VPS26C: variants seen among roughly 807,000 people sequenced by gnomAD.
The protein encoded by VPS26C is vacuolar protein sorting-associated protein 26C.
A neutral mutation model predicts 30.6 loss-of-function variants in VPS26C; 19 were observed. That is an observed-to-expected ratio of 0.62 (90% CI 0.43 to 0.91). The LOEUF is 0.91. Among genes scored for constraint, VPS26C ranks in the 40% least tolerant of loss-of-function variants. The pLI, the probability that VPS26C is intolerant of heterozygous loss-of-function variation, is 0.00. For synonymous variants in VPS26C, 132 were observed against 151.5 expected (o/e 0.87, Z 0.95); for missense variants, 318 against 385.1 (o/e 0.83, Z 1.46).
intron 1 of VPS26C, among the ~76,000 whole-genome samples, chr21:37,252,751 G>A (rs930391944): frequency 1.3e-5 from 2 of 152,188 alleles, no homozygotes; most frequent in African/African-American, 4.8e-5. Context: ...CCATCAAAAC[G>A]AATGAACTAT....
intron 1 of VPS26C, among the ~76,000 whole-genome samples, chr21:37,258,944 TTA>T (rs1329061969): frequency 6.6e-6 from 1 of 152,226 alleles, no homozygotes; most frequent in Non-Finnish European, 1.5e-5. Flanking sequence ...AAAATGCTTC[TTA>T]TGCATTATAT....
rs921280858 is a variant in VPS26C at position 37,250,046 on chromosome 21, G to A, written c.58-9407C>T. On this transcript the variant is annotated intron_variant, in intron 1 of 7. Coordinates refer to ENST00000309117, the MANE Select transcript of VPS26C (RefSeq NM_006052.2). Reference sequence around the variant, plus strand: ...GGGCCGGGCAGGGTGGCTCACGCCTGTAATCCCAGCACTTTGGGAGGCTGA... The same window carrying A: ...GGGCCGGGCAGGGTGGCTCACGCCTATAATCCCAGCACTTTGGGAGGCTGA... Among the ~76,000 whole-genome samples, 7 of 152,232 alleles carry A rather than the reference G, an allele frequency of 4.6e-5. No individual in the cohort carries two copies. The South Asian group carries it at 8.3e-4, about 18-fold the overall frequency.
chr21:37,262,068 A>G (rs1029361726), intron 1 of VPS26C: 1 of 152,230 alleles, frequency 6.6e-6, no homozygotes, highest in Non-Finnish European at 1.5e-5. Context: ...AAGTTTAAAA[A>G]AAAAGAACAT....
upstream of VPS26C, chr21:37,267,355 C>T: frequency 1.4e-6 from 2 of 1,478,322 alleles, no homozygotes; most frequent in East Asian, 2.3e-5. Context: ...AAACAAGGGG[C>T]GCCTCCCCGC....
rs574664932 is a variant in VPS26C, at chr21:37,237,020, A to G, written c.351+1440T>C. On this transcript the variant is annotated intron_variant, in intron 3 of 7. Coordinates refer to ENST00000309117, the MANE Select transcript of VPS26C (RefSeq NM_006052.2). Reference sequence around the variant, plus strand: ...GGTCTTGAACTCCTGGGTTCAAGCAATCCTCCTGCCATGGCCTCCCAAAGT... The same window carrying G: ...GGTCTTGAACTCCTGGGTTCAAGCAGTCCTCCTGCCATGGCCTCCCAAAGT... Among the ~76,000 whole-genome samples, 4 of 152,304 alleles carry G rather than the reference A, an allele frequency of 2.6e-5. 1 individual carries two copies. Among genetic ancestry groups the G allele is most frequent in the South Asian group, 4.1e-4 (2 of 4,820 alleles).
At chr21:37,249,053 A>G (rs954819973) in intron 1 of VPS26C, among the ~76,000 whole-genome samples, 6 of 152,176 alleles carry the variant, frequency 3.9e-5, no homozygotes, top group Admixed American at 1.3e-4. Flanking sequence ...TGCATTCTTG[A>G]TAAAATTCTT....
At chr21:37,232,508 A>C (rs1269192899) in intron 4 of VPS26C, 57 bp from the exon 5 acceptor site, 8 of 1,438,442 alleles carry the variant, frequency 5.6e-6, no homozygotes, top group Non-Finnish European at 7.8e-6. Context: ...TCTGCAGGTC[A>C]AATAGCTTTT....
At chr21:37,262,000 A>G (rs2086309524) in intron 1 of VPS26C, 1 of 152,204 alleles carries the variant, frequency 6.6e-6, no homozygotes, top group Non-Finnish European at 1.5e-5. Context: ...CTTAGTGGGA[A>G]ATGTCTACAT....
At chr21:37,231,345 T>G (rs1051870891) in intron 5 of VPS26C, 3 of 152,172 alleles carry the variant, frequency 2.0e-5, no homozygotes, top group Non-Finnish European at 2.9e-5. Flanking sequence ...TAGAAATGAA[T>G]CACATTACTG....
chr21:37,267,123 G>A (rs1015944731), intron 1 of VPS26C, 115 bp downstream of exon 1: 12 of 964,024 alleles, frequency 1.2e-5, no homozygotes, highest in Admixed American at 6.0e-5. Context: ...AGACGCACCT[G>A]GCGGGACAGC....
intron 2 of VPS26C, 76 bp downstream of exon 2, chr21:37,240,420 T>C (rs1490482132): frequency 5.2e-6 from 8 of 1,542,066 alleles, no homozygotes; most frequent in African/African-American, 1.4e-5. Context: ...CCACTGCGCC[T>C]GGCCCTGAGC....
At chr21:37,256,295 T>C (rs945938275) in intron 1 of VPS26C, among the ~76,000 whole-genome samples, 30 of 152,336 alleles carry the variant, frequency 2.0e-4, no homozygotes, top group African/African-American at 7.0e-4. Context: ...GCCGTAGGCC[T>C]GTGAAGACAC....
In VPS26C at chr21:37,224,228, A is replaced by T; in HGVS notation, c.*1316T>A. On this transcript the variant is annotated 3_prime_UTR_variant, in exon 8 of 8. Transcript: ENST00000309117. ...ATGTTTTCCCCTCATGTAACTTTGC[A>T]TTTAAATATATTCTGGGAAACTGCT... 6.6e-6 allele frequency: 1 copy of T among 152,272 alleles called. No homozygotes were observed. The highest frequency in any genetic ancestry group is 1.5e-5 in the Non-Finnish European group (1 of 68,088). The allele number at this position is 152,272 out of a possible 1,614,324, so 9.4% of individuals were successfully genotyped here. A position where few individuals can be genotyped will look rare whatever the true frequency, so the allele number is the denominator to read the frequency against.
rs1276744912 is a variant in VPS26C, at chr21:37,225,500, T to C, written c.*44A>G. The stretch of plus-strand genomic sequence containing the variant: ...CTTAGGATTTGGATAACCAGCTGGA[T>C]TTCCAGATGGCCACTCCCGTTCTCT... On this transcript the variant is annotated 3_prime_UTR_variant, in exon 8 of 8. Transcript: ENST00000309117. 1.3e-6 allele frequency: 2 copies of C among 1,539,948 alleles called. No homozygotes were observed. The highest frequency in any genetic ancestry group is 3.3e-5 in the Admixed American group (2 of 59,860).
chr21:37,227,790 A>G lies in VPS26C; in HGVS notation c.675T>C (p.Tyr225=), dbSNP rs2148281058. 4 of 1,614,034 alleles carry G rather than the reference A, an allele frequency of 2.5e-6. No homozygotes were observed. Among genetic ancestry groups the G allele is most frequent in the South Asian group, 1.1e-5 (1 of 91,072 alleles). ...TCTGAATCTCCGTGGCGTCGCGGGCATAGCCTTCTGCACACCCTGCGGGAG... is the reference window on the plus strand; with the variant it reads ...TCTGAATCTCCGTGGCGTCGCGGGCGTAGCCTTCTGCACACCCTGCGGGAG... ...RVETCGCAEG[Y]ARDATEIQNI... The change falls in exon 7 of 8, where the codon TAT becomes TAC. Residue 225 remains tyrosine (Y), a synonymous_variant. Transcript: ENST00000309117.
At position 37,232,349 on chromosome 21, in the gene VPS26C, C is replaced by T. The variant is rs145596495; in HGVS notation, c.507+28G>A. 1,851 of 1,605,710 alleles carry T rather than the reference C, an allele frequency of 1.2e-3. 14 individuals carry two copies. The African/African-American group carries it at 0.021, about 18-fold the overall frequency. On this transcript the variant is annotated intron_variant, in intron 5 of 7. Transcript: ENST00000309117. The stretch of plus-strand genomic sequence containing the variant: ...GGTCTGGCTGCTGGGAAGATACCCA[C>T]GGCATTCGCCTGTGCAGGACGTCTT...
chr21:37,238,617 C>T lies in VPS26C; in HGVS notation c.202-8G>A, dbSNP rs1347440037. 1.2e-6 allele frequency: 2 copies of T among 1,612,432 alleles called. No individual in the cohort carries two copies. The highest frequency in any genetic ancestry group is 1.7e-6 in the Non-Finnish European group (2 of 1,179,416). On this transcript the variant is annotated splice_region_variant and splice_polypyrimidine_tract_variant and intron_variant, in intron 2 of 7. Coordinates refer to ENST00000309117, the MANE Select transcript of VPS26C (RefSeq NM_006052.2). ...GTTGATAATCTGGATAGGCTGTAAACAAAAATCAGTTCAGTCCATCAGCAC... is the reference window on the plus strand; with the variant it reads ...GTTGATAATCTGGATAGGCTGTAAATAAAAATCAGTTCAGTCCATCAGCAC...
chr21:37,267,427 G>C (rs1229626846), upstream of VPS26C: 12 of 751,046 alleles, frequency 1.6e-5, no homozygotes, highest in Admixed American at 2.1e-4. Flanking sequence ...CCTCGCAGCG[G>C]CGTCGCACAC....
At chr21:37,267,518 G>A, upstream of VPS26C, 1 of 578,324 alleles carries the variant, frequency 1.7e-6, no homozygotes, top group South Asian at 2.0e-5. Context: ...CCGAAGCGCT[G>A]TCACGGTTCA....
Sources: allele counts gnomAD v4.1 joint callset (sites outside exome capture counted in the v4.1 genomes callset), GRCh38; gene constraint gnomAD v4.1.1; transcripts MANE v1.5; gene names NCBI Gene and HGNC (gene_info 2026-07-23, HGNC 2026-07-21).